ITGA9: variants seen among roughly 807,000 people sequenced by gnomAD.
ITGA9 encodes the protein integrin alpha-9.
A neutral mutation model predicts 127.8 loss-of-function variants in ITGA9; 56 were observed. That is an observed-to-expected ratio of 0.44 (90% CI 0.35 to 0.55). The LOEUF is 0.55. Ranked by LOEUF, ITGA9 falls within the 20% of genes least tolerant of loss-of-function variation. ITGA9 has a pLI of 0.00. For missense variants in ITGA9, 1,196 were observed against 1,347.1 expected (o/e 0.89, Z 1.76); for synonymous variants, 508 against 514.5 (o/e 0.99, Z 0.17).
intron 15 of ITGA9, among the ~76,000 whole-genome samples, chr3:37,577,398 G>A (rs1181153568): frequency 6.6e-6 from 1 of 152,164 alleles, no homozygotes; most frequent in African/African-American, 2.4e-5. Flanking sequence ...AGCTGAGAGT[G>A]GTGTTGGCAC....
chr3:37,654,866 C>T (rs750603318), intron 17 of ITGA9, among the ~76,000 whole-genome samples: 4 of 152,178 alleles, frequency 2.6e-5, no homozygotes, highest in African/African-American at 9.6e-5. Context: ...TGACAGGCCC[C>T]GGTGTGTGAT....
chr3:37,729,660 A>G lies in ITGA9; in HGVS notation c.2068-3052A>G, dbSNP rs140378761. Among the ~76,000 whole-genome samples the G allele has an allele frequency of 7.9e-4, 120 of 152,056 alleles. 1 individual carries two copies. The highest frequency in any genetic ancestry group is 2.5e-3 in the African/African-American group (103 of 41,474). On this transcript the variant is annotated intron_variant, in intron 18 of 27. Transcript: ENST00000264741. ...GAAGACATTTATTTCACACATGCAA[A>G]AACTGAAGAAGTCTTTGGGGCAATA...
chr3:37,540,697 C>T (rs776443017), intron 14 of ITGA9, among the ~76,000 whole-genome samples: 2 of 152,270 alleles, frequency 1.3e-5, no homozygotes, highest in Non-Finnish European at 2.9e-5. Flanking sequence ...TTAGTGGTCT[C>T]CAGGATTGCC....
intron 4 of ITGA9, among the ~76,000 whole-genome samples, 182 bp downstream of exon 4, chr3:37,481,789 T>A (rs1579054568): frequency 6.6e-6 from 1 of 152,112 alleles, no homozygotes; most frequent in South Asian, 2.1e-4. Context: ...AAGAGGCAGG[T>A]ACAGAGGGGG....
chr3:37,569,009 T>G (rs572209120), intron 15 of ITGA9, among the ~76,000 whole-genome samples: 12 of 152,318 alleles, frequency 7.9e-5, no homozygotes, highest in Admixed American at 5.9e-4. Flanking sequence ...ACACTGCTGA[T>G]AAAGACAACA....
intron 23 of ITGA9, among the ~76,000 whole-genome samples, chr3:37,760,703 T>G (rs922976734): frequency 1.3e-5 from 2 of 151,928 alleles, no homozygotes; most frequent in Non-Finnish European, 2.9e-5. Flanking sequence ...AGTTAGATGT[T>G]AAAAAAAATA....
Position 37,777,374 on chromosome 3 carries a change from G to T in ITGA9, c.2542-18G>T, listed in dbSNP as rs754084895. 5 of 1,613,942 alleles carry T rather than the reference G, an allele frequency of 3.1e-6. 1 individual carries two copies. In the South Asian group the frequency reaches 5.5e-5, roughly 18 times the overall value. ...TTCTTGAGAATGACTCCTCTGACAG[G>T]CCTCTTTTCATTTGCAGGTGGGCCA... On this transcript the variant is annotated intron_variant, in intron 23 of 27. Coordinates refer to ENST00000264741, the MANE Select transcript of ITGA9 (RefSeq NM_002207.3).
intron 15 of ITGA9, among the ~76,000 whole-genome samples, chr3:37,581,552 A>G (rs1225920199): frequency 1.3e-5 from 2 of 152,182 alleles, no homozygotes; most frequent in Non-Finnish European, 2.9e-5. Flanking sequence ...ACCCGGTTCT[A>G]TTTCTTGCTT....
intron 15 of ITGA9, among the ~76,000 whole-genome samples, chr3:37,589,721 G>A (rs1892805): frequency 2.6e-4 from 39 of 152,302 alleles, no homozygotes; most frequent in African/African-American, 8.7e-4. Flanking sequence ...AGGAGTGCCT[G>A]TTGTTCCAGG....
At chr3:37,506,222 CT>C (rs1698842552) in intron 7 of ITGA9, 137 bp downstream of exon 7, 1 of 718,578 alleles carries the variant, frequency 1.4e-6, no homozygotes, top group African/African-American at 1.7e-5. Flanking sequence ...GAGGAACCCC[CT>C]GACTGCCCCA....
At chr3:37,721,981 A>G (rs764465210) in intron 18 of ITGA9, among the ~76,000 whole-genome samples, 16 of 152,192 alleles carry the variant, frequency 1.1e-4, no homozygotes, top group Non-Finnish European at 2.9e-5. Flanking sequence ...AGAACCCTCC[A>G]GTGCCTTCCC....
intron 20 of ITGA9, among the ~76,000 whole-genome samples, chr3:37,738,778 G>T (rs1375959649): frequency 1.3e-5 from 2 of 152,216 alleles, no homozygotes; most frequent in Non-Finnish European, 2.9e-5. Context: ...ACATGGAAGA[G>T]ATTTCCCTTG....
intron 18 of ITGA9, among the ~76,000 whole-genome samples, chr3:37,709,101 C>T (rs868114431): frequency 1.2e-4 from 19 of 152,268 alleles, no homozygotes; most frequent in African/African-American, 4.6e-4. Context: ...GTTTTCTTAT[C>T]TGTGAGACTG....
intron 15 of ITGA9, among the ~76,000 whole-genome samples, chr3:37,608,737 A>G (rs1303241132): frequency 6.6e-6 from 1 of 152,180 alleles, no homozygotes. Context: ...TGTAAGCAGG[A>G]CCAACTCTTT....
At chr3:37,474,076 A>G (rs1698465630) in intron 3 of ITGA9, among the ~76,000 whole-genome samples, 1 of 152,240 alleles carries the variant, frequency 6.6e-6, no homozygotes, top group South Asian at 2.1e-4. Flanking sequence ...ATCTCTACAT[A>G]ATATTACATT....
At chr3:37,796,513 G>A (rs1697175565) in intron 26 of ITGA9, among the ~76,000 whole-genome samples, 1 of 152,014 alleles carries the variant, frequency 6.6e-6, no homozygotes, top group Non-Finnish European at 1.5e-5. Context: ...ATGGATGGAT[G>A]GAACGACGGA....
rs752672705 is a variant in ITGA9, at chr3:37,513,872, AG to A, written c.1009del (p.Val337SerfsTer18). The A allele has an allele frequency of 2.5e-6, 4 of 1,613,584 alleles. No homozygotes were observed. In the South Asian group the frequency reaches 4.4e-5, roughly 18 times the overall value. On this transcript the variant is annotated frameshift_variant, in exon 9 of 28. Transcript: ENST00000264741. LOFTEE classifies it high-confidence loss of function. ...TTTTCTGAGATCAGGGATGAGGGAC[AG>A]GTCACTGTCTACATCAACAGAGGAA... ...PMFSEIRDEG[Q>X]VTVYINRGNG... is the part of the protein sequence containing the mutation.
intron 13 of ITGA9, among the ~76,000 whole-genome samples, chr3:37,530,297 G>A (rs1309605332): frequency 1.3e-5 from 2 of 152,200 alleles, no homozygotes; most frequent in African/African-American, 4.8e-5. Context: ...TAGATTTTGA[G>A]TTACTTTAGG....
intron 15 of ITGA9, among the ~76,000 whole-genome samples, chr3:37,603,519 A>G (rs550110389): frequency 6.6e-6 from 1 of 152,246 alleles, no homozygotes; most frequent in East Asian, 1.9e-4. Flanking sequence ...TGCTTCCCCT[A>G]CCCAACAGAA....
Sources: allele counts gnomAD v4.1 joint callset (sites outside exome capture counted in the v4.1 genomes callset), GRCh38; gene constraint gnomAD v4.1.1; transcripts MANE v1.5; gene names NCBI Gene and HGNC (gene_info 2026-07-23, HGNC 2026-07-21).